EHD4: variants seen among roughly 807,000 people sequenced by gnomAD.
The protein encoded by EHD4 is EH domain containing 4, also known as EH domain-containing protein 4.
EHD4 carries 37 observed loss-of-function variants against 51.0 expected under a neutral mutation model. That is an observed-to-expected ratio of 0.73 (90% CI 0.56 to 0.95). The LOEUF (loss-of-function observed/expected upper bound fraction) is 0.95. Ranked by LOEUF, EHD4 falls within the 40% of genes least tolerant of loss-of-function variation. The pLI is 0.00. For synonymous variants in EHD4, 297 were observed against 317.3 expected, an observed-to-expected ratio of 0.94 and a Z score of 0.68; for missense variants, 632 against 733.1, an observed-to-expected ratio of 0.86 and a Z score of 1.59.
At chr15:41,928,761 C>G (rs529143062) in intron 3 of EHD4, 1 of 152,296 alleles carries the variant, frequency 6.6e-6, no homozygotes, top group African/African-American at 2.4e-5. Flanking sequence ...AGTATCTCAG[C>G]AACTACACCC....
chr15:41,946,244 G>C (rs754098919), intron 2 of EHD4, among the ~76,000 whole-genome samples: 1 of 152,152 alleles, frequency 6.6e-6, no homozygotes, highest in Non-Finnish European at 1.5e-5. Flanking sequence ...CCTCACCCGA[G>C]GATGACCTGA....
rs947636301 is a variant in EHD4, at chr15:41,897,794, CAG to C, written c.*2849_*2850del. The C allele has an allele frequency of 1.3e-5, 2 of 152,250 alleles. No homozygotes were observed. Among genetic ancestry groups the C allele is most frequent in the African/African-American group, 4.8e-5 (2 of 41,454 alleles). 9.4% of individuals were successfully genotyped at this position (152,250 alleles called of 1,614,324 possible). A position where few individuals can be genotyped will look rare whatever the true frequency, so the allele number is the denominator to read the frequency against. On this transcript the variant is annotated 3_prime_UTR_variant, in exon 6 of 6. Transcript: ENST00000220325. Reference sequence around the variant, plus strand: ...GCGATACCATATGCTGTGTAGAAAACAGGGCCTCAGCTTCTTAGATGTTGTAG... The same window carrying C: ...GCGATACCATATGCTGTGTAGAAAACGGCCTCAGCTTCTTAGATGTTGTAG...
intron 3 of EHD4, chr15:41,942,834 A>G (rs17739167): frequency 0.37 from 142,911 of 384,780 alleles, 25,326 homozygotes; most frequent in African/African-American, 0.54. Context: ...CCCACTCCTC[A>G]TCTTCATTTA....
At chr15:41,914,785 ATTT>A (rs10713712) in intron 4 of EHD4, among the ~76,000 whole-genome samples, 20 of 126,490 alleles carry the variant, frequency 1.6e-4, no homozygotes, top group Admixed American at 2.4e-4. Context: ...TTACAGGAGA[ATTT>A]TTTTTTTTTT....
chr15:41,964,643 T>C (rs2067949724), intron 1 of EHD4, among the ~76,000 whole-genome samples: 1 of 151,954 alleles, frequency 6.6e-6, no homozygotes, highest in African/African-American at 2.4e-5. Flanking sequence ...TTTTAATTAG[T>C]TTTACTGGCA....
chr15:41,939,011 CATG>C (rs1442448774), intron 3 of EHD4, among the ~76,000 whole-genome samples: 2 of 152,156 alleles, frequency 1.3e-5, no homozygotes, highest in South Asian at 2.1e-4. Flanking sequence ...CAGCGGCCAG[CATG>C]ATAAGAGGTC....
rs746748900 is a variant in EHD4, at chr15:41,928,029, T to G, written c.512-8407A>C. On this transcript the variant is annotated intron_variant, in intron 3 of 5. Coordinates refer to ENST00000220325, the MANE Select transcript of EHD4 (RefSeq NM_139265.4). ...CATCTCAAAGTAAACATCAACTATCTGGGATCGCTCAGGTATTATAAATAC... is the reference window on the plus strand; with the variant it reads ...CATCTCAAAGTAAACATCAACTATCGGGGATCGCTCAGGTATTATAAATAC... Among the ~76,000 whole-genome samples the G allele has an allele frequency of 5.8e-4, 89 of 152,336 alleles. 1 individual carries two copies. Among genetic ancestry groups the G allele is most frequent in the Middle Eastern group, 3.4e-3 (1 of 294 alleles).
At chr15:41,933,207 C>T (rs1010964254) in intron 3 of EHD4, among the ~76,000 whole-genome samples, 2 of 152,164 alleles carry the variant, frequency 1.3e-5, no homozygotes, top group East Asian at 3.9e-4. Context: ...TTATTTTCAG[C>T]GTTTCCCCAA....
intron 5 of EHD4, among the ~76,000 whole-genome samples, chr15:41,909,407 A>G (rs2067534041): frequency 6.6e-6 from 1 of 152,186 alleles, no homozygotes; most frequent in South Asian, 2.1e-4. Context: ...TGGGATTCCA[A>G]TGTCACCGCA....
chr15:41,897,355 G>A lies in EHD4; in HGVS notation c.*3290C>T, dbSNP rs1001575725. 1 of 152,240 alleles carries A rather than the reference G, an allele frequency of 6.6e-6. No homozygotes were observed. The highest frequency in any genetic ancestry group is 1.5e-5 in the Non-Finnish European group (1 of 68,052). 9.4% of individuals were successfully genotyped at this position (152,240 alleles called of 1,614,324 possible). A position where few individuals can be genotyped will look rare whatever the true frequency, so the allele number is the denominator to read the frequency against. ...TCCAGGCCGCGGCTGTGACTCCCGC[G>A]GGTGAACCACAGCTCCACAGCCCCA... On this transcript the variant is annotated 3_prime_UTR_variant, in exon 6 of 6. Coordinates refer to ENST00000220325, the MANE Select transcript of EHD4 (RefSeq NM_139265.4).
chr15:41,952,415 G>A (rs1329480480), intron 2 of EHD4, among the ~76,000 whole-genome samples: 3 of 152,132 alleles, frequency 2.0e-5, no homozygotes, highest in African/African-American at 7.2e-5. Context: ...CCAGGAAAGA[G>A]GGAAATAGAG....
intron 2 of EHD4, among the ~76,000 whole-genome samples, chr15:41,945,165 C>T (rs1359279978): frequency 6.6e-6 from 1 of 152,204 alleles, no homozygotes; most frequent in Non-Finnish European, 1.5e-5. Context: ...GAACATATCA[C>T]ACCTACGTGA....
At chr15:41,919,734 T>G in intron 3 of EHD4, 112 bp from the exon 4 acceptor site, 1 of 1,099,328 alleles carries the variant, frequency 9.1e-7, no homozygotes, top group Non-Finnish European at 1.2e-6. Context: ...GAGCCCTGTC[T>G]CCAACCTGGA....
chr15:41,911,670 T>C (rs2067550433), intron 4 of EHD4, among the ~76,000 whole-genome samples: 1 of 152,182 alleles, frequency 6.6e-6, no homozygotes, highest in African/African-American at 2.4e-5. Flanking sequence ...CTCTCTCTTC[T>C]GTGCTCAGGC....
At chr15:41,949,429 G>A (rs1159328759) in intron 2 of EHD4, among the ~76,000 whole-genome samples, 2 of 151,912 alleles carry the variant, frequency 1.3e-5, no homozygotes, top group East Asian at 1.9e-4. Context: ...GTGAAGCCTC[G>A]CTTAATTACA....
intron 3 of EHD4, among the ~76,000 whole-genome samples, chr15:41,941,207 C>T (rs769518616): frequency 2.0e-4 from 31 of 152,160 alleles, no homozygotes; most frequent in Non-Finnish European, 3.5e-4. Flanking sequence ...AACTGATTAA[C>T]CATCATGATG....
At chr15:41,929,631 G>A (rs1311832894) in intron 3 of EHD4, among the ~76,000 whole-genome samples, 1 of 149,382 alleles carries the variant, frequency 6.7e-6, no homozygotes. Flanking sequence ...TGCTGGAGAG[G>A]GAAGTTGGTA....
At chr15:41,943,046 G>C (rs775231615) in intron 3 of EHD4, 21 bp downstream of exon 3, 40 of 1,551,868 alleles carry the variant, frequency 2.6e-5, no homozygotes, top group Non-Finnish European at 3.1e-5. Flanking sequence ...TTGGTGGGGA[G>C]GGGCAGGGAC....
chr15:41,910,424 C>T (rs1482863365), intron 4 of EHD4, among the ~76,000 whole-genome samples: 1 of 152,172 alleles, frequency 6.6e-6, no homozygotes, highest in Admixed American at 6.5e-5. Context: ...GAGAGGAGCC[C>T]AGAAGCCCCA....
Sources: allele counts gnomAD v4.1 joint callset (sites outside exome capture counted in the v4.1 genomes callset), GRCh38; gene constraint gnomAD v4.1.1; transcripts MANE v1.5; gene names NCBI Gene and HGNC (gene_info 2026-07-23, HGNC 2026-07-21).